YAF2: variants seen among roughly 807,000 people sequenced by gnomAD.
YAF2 encodes YY1 associated factor 2.
A neutral mutation model predicts 20.1 loss-of-function variants in YAF2; 7 were observed. The ratio of observed to expected loss-of-function variants is 0.35; its 90% confidence interval spans 0.20 to 0.65. The LOEUF (loss-of-function observed/expected upper bound fraction) is 0.65. Among genes scored for constraint, YAF2 ranks in the 30% least tolerant of loss-of-function variants. YAF2 has a pLI of 0.69. For synonymous variants in YAF2, 74 were observed against 76.0 expected (o/e 0.97, Z 0.14); for missense variants, 151 against 219.2 (o/e 0.69, Z 1.96).
intron 2 of YAF2, among the ~76,000 whole-genome samples, chr12:42,211,662 T>C (rs957336448): frequency 1.1e-4 from 16 of 150,424 alleles, no homozygotes; most frequent in Non-Finnish European, 1.5e-4. Flanking sequence ...GAAGAATTGC[T>C]TGAACTCGGG....
chr12:42,232,386 T>C, intron 2 of YAF2: 1 of 949,838 alleles, frequency 1.1e-6, no homozygotes, highest in Non-Finnish European at 1.3e-6. Flanking sequence ...GGACTCTCAG[T>C]GTCCCTCAGA....
intron 2 of YAF2, chr12:42,233,605 G>A (rs532409523): frequency 4.5e-5 from 29 of 649,448 alleles, no homozygotes; most frequent in Admixed American, 2.5e-4. Context: ...TCGAACTCTG[G>A]GGCTCAAGGG....
intron 2 of YAF2, among the ~76,000 whole-genome samples, chr12:42,195,609 G>A (rs955331230): frequency 1.3e-5 from 2 of 152,168 alleles, no homozygotes; most frequent in African/African-American, 4.8e-5. Context: ...AAAGAGCTTA[G>A]AGAAATGAGT....
chr12:42,175,449 G>T (rs2066156232), intron 2 of YAF2, among the ~76,000 whole-genome samples: 1 of 151,838 alleles, frequency 6.6e-6, no homozygotes, highest in African/African-American at 2.4e-5. Flanking sequence ...CTTGATTGTG[G>T]TGATAGTTTC....
intron 2 of YAF2, among the ~76,000 whole-genome samples, chr12:42,222,029 A>C (rs965583633): frequency 1.3e-5 from 2 of 152,244 alleles, no homozygotes; most frequent in African/African-American, 4.8e-5. Context: ...TCCCACAATA[A>C]ACAATATTGT....
intron 2 of YAF2, among the ~76,000 whole-genome samples, chr12:42,206,958 G>A (rs1169546473): frequency 2.0e-5 from 3 of 151,792 alleles, no homozygotes; most frequent in Non-Finnish European, 2.9e-5. Flanking sequence ...CATTTACAAC[G>A]TTTGCTTTAC....
chr12:42,224,099 C>A (rs7975518), intron 2 of YAF2, among the ~76,000 whole-genome samples: 101,340 of 151,978 alleles, frequency 0.67, 34,290 homozygotes, highest in African/African-American at 0.78. Context: ...ATAAGCACAG[C>A]CTTCTCCAAA....
intron 2 of YAF2, among the ~76,000 whole-genome samples, chr12:42,174,016 G>A (rs1240279309): frequency 6.8e-6 from 1 of 147,820 alleles, no homozygotes; most frequent in Non-Finnish European, 1.5e-5. Context: ...GACCTCCTTT[G>A]TTTCCTGCTT....
At chr12:42,169,678 G>T (rs1206618641) in intron 2 of YAF2, among the ~76,000 whole-genome samples, 1 of 152,074 alleles carries the variant, frequency 6.6e-6, no homozygotes, top group Non-Finnish European at 1.5e-5. Context: ...CTCCCAAAGT[G>T]CTGGGATTAG....
intron 2 of YAF2, chr12:42,234,686 T>C (rs2068089426): frequency 1.0e-6 from 1 of 984,824 alleles, no homozygotes; most frequent in South Asian, 4.7e-5. Context: ...AAAAATTATA[T>C]TGCCAATAAA....
At position 42,174,127 on chromosome 12, in the gene YAF2, A is replaced by T. The variant is rs114212274; in HGVS notation, c.153-12362T>A. Among the ~76,000 whole-genome samples the T allele has an allele frequency of 8.6e-3, 1,292 of 151,080 alleles. 19 individuals are homozygous for T. Among genetic ancestry groups the T allele is most frequent in the African/African-American group, 0.03 (1,242 of 41,230 alleles). On this transcript the variant is annotated intron_variant, in intron 2 of 3. Coordinates refer to ENST00000534854, the MANE Select transcript of YAF2 (RefSeq NM_005748.6). ...AAAAAAAAAAAAAAACTCTTTCCTG[A>T]GTCTACATCCCTGTCTAGCCACTGC...
intron 2 of YAF2, among the ~76,000 whole-genome samples, chr12:42,214,934 G>T (rs142040368): frequency 0.038 from 5,820 of 152,136 alleles, 165 homozygotes; most frequent in Admixed American, 0.061. Context: ...AACCTGGGAG[G>T]CAGAGGTTGC....
At chr12:42,170,768 C>T (rs558353417) in intron 2 of YAF2, among the ~76,000 whole-genome samples, 69 of 152,288 alleles carry the variant, frequency 4.5e-4, no homozygotes, top group African/African-American at 1.5e-3. Context: ...TCACCTGAGC[C>T]TTGGGAGGTT....
In YAF2 at chr12:42,195,438, A is replaced by G. The variant is rs537144228; in HGVS notation, c.153-33673T>C. The stretch of plus-strand genomic sequence containing the variant: ...TTCTAAAAAGTATTACCAGAATTTA[A>G]AGAAGGAAAAGGTAAGTAGATACTG... On this transcript the variant is annotated intron_variant, in intron 2 of 3. Coordinates refer to ENST00000534854, the MANE Select transcript of YAF2 (RefSeq NM_005748.6). 2.2e-3 allele frequency among the ~76,000 whole-genome samples: 330 copies of G among 152,348 alleles called. 1 individual carries two copies. The highest frequency in any genetic ancestry group is 7.8e-3 in the African/African-American group (323 of 41,578).
chr12:42,191,069 C>T (rs1321110581), intron 2 of YAF2, among the ~76,000 whole-genome samples: 1 of 152,070 alleles, frequency 6.6e-6, no homozygotes, highest in Non-Finnish European at 1.5e-5. Flanking sequence ...ATCAGACAGG[C>T]AAATTATATG....
rs374379638 is a variant in YAF2 at position 42,173,900 on chromosome 12, C to T, written c.153-12135G>A. Among the ~76,000 whole-genome samples the T allele has an allele frequency of 4.6e-5, 7 of 152,220 alleles. No individual in the cohort carries two copies. The East Asian group carries it at 1.2e-3, about 25-fold the overall frequency. The stretch of plus-strand genomic sequence containing the variant: ...GCTATTCGATTAGAATGTCCACAGC[C>T]TTCCATCTGTACCGACATAGTCTGA... On this transcript the variant is annotated intron_variant, in intron 2 of 3. Coordinates refer to ENST00000534854, the MANE Select transcript of YAF2 (RefSeq NM_005748.6).
chr12:42,235,642 C>G (rs1398192890), intron 2 of YAF2: 3 of 1,511,984 alleles, frequency 2.0e-6, no homozygotes, highest in Non-Finnish European at 2.6e-6. Flanking sequence ...CCTTAGATTT[C>G]TGGTGAGTTG....
intron 2 of YAF2, among the ~76,000 whole-genome samples, chr12:42,230,155 G>C (rs1236684107): frequency 6.6e-6 from 1 of 152,170 alleles, no homozygotes; most frequent in Non-Finnish European, 1.5e-5. Context: ...TACTCAGGAG[G>C]CTGAGGCAGG....
In YAF2 at chr12:42,229,421, T is replaced by A. The variant is rs201042767; in HGVS notation, c.152+8178A>T. ...AAGAATTATCAATAAAAAAATAAAT[T>A]AAAAAAAAAAAAAAACATTTAAATA... On this transcript the variant is annotated intron_variant, in intron 2 of 3. Coordinates refer to ENST00000534854, the MANE Select transcript of YAF2 (RefSeq NM_005748.6). Among the ~76,000 whole-genome samples the A allele has an allele frequency of 3.9e-4, 56 of 143,268 alleles. 1 individual carries two copies. The highest frequency in any genetic ancestry group is 1.1e-3 in the African/African-American group (44 of 38,862). 94.0% of individuals were successfully genotyped at this position (143,268 alleles called of 152,430 possible). A position where few individuals can be genotyped will look rare whatever the true frequency, so the allele number is the denominator to read the frequency against.
Sources: allele counts gnomAD v4.1 joint callset (sites outside exome capture counted in the v4.1 genomes callset), GRCh38; gene constraint gnomAD v4.1.1; transcripts MANE v1.5; gene names NCBI Gene and HGNC (gene_info 2026-07-23, HGNC 2026-07-21).